SAMMSON: variants seen among roughly 807,000 people sequenced by gnomAD.
SAMMSON encodes long intergenic non-protein coding RNA 1212.
At chr3:70,418,966 TTTCCTTCCTTCCTTC>T (rs1575645478) in intron 2 of SAMMSON, among the ~76,000 whole-genome samples, 83 of 53,038 alleles carry the variant, frequency 1.6e-3, no homozygotes, top group South Asian at 2.4e-3. Context: ...TTTCCTTTCC[TTTCCTTCCTTCCTTC>T]TCTCTCTCTC....
chr3:70,068,846 A>G (rs2067219911), intron 3 of SAMMSON: 1 of 152,106 alleles, frequency 6.6e-6, no homozygotes, highest in Admixed American at 6.6e-5. Context: ...GATTATGGAG[A>G]GGCCCCTTTA....
intron 4 of SAMMSON, among the ~76,000 whole-genome samples, chr3:70,109,163 A>G (rs1450457083): frequency 6.6e-6 from 1 of 152,148 alleles, no homozygotes; most frequent in Non-Finnish European, 1.5e-5. Flanking sequence ...GAGATTTATC[A>G]GAGTCACTTA....
chr3:70,203,258 CATA>C (rs1319286448), intron 4 of SAMMSON, among the ~76,000 whole-genome samples: 5 of 152,064 alleles, frequency 3.3e-5, no homozygotes, highest in Non-Finnish European at 5.9e-5. Flanking sequence ...AATTCAGCAT[CATA>C]ATGAGATTCA....
chr3:70,306,650 T>C (rs1317240911), intron 7 of SAMMSON, among the ~76,000 whole-genome samples: 1 of 152,114 alleles, frequency 6.6e-6, no homozygotes, highest in Admixed American at 6.6e-5. Context: ...TTAACAGTCA[T>C]TGGACAGCAC....
chr3:70,050,132 A>C (rs2067140849), intron 3 of SAMMSON, among the ~76,000 whole-genome samples: 1 of 152,174 alleles, frequency 6.6e-6, no homozygotes. Context: ...GCTAGTGGCC[A>C]GAGAGAAGAA....
At chr3:70,175,782 A>T (rs911239193) in intron 4 of SAMMSON, among the ~76,000 whole-genome samples, 1 of 152,100 alleles carries the variant, frequency 6.6e-6, no homozygotes, top group Non-Finnish European at 1.5e-5. Context: ...CTATTGCATT[A>T]TAACAAGACA....
intron 4 of SAMMSON, among the ~76,000 whole-genome samples, chr3:70,116,086 G>A (rs2106663749): frequency 6.6e-6 from 1 of 152,060 alleles, no homozygotes; most frequent in African/African-American, 2.4e-5. Context: ...CTAATCACTA[G>A]GTTAAATTTC....
At chr3:70,284,190 G>T (rs1487903464) in intron 6 of SAMMSON, among the ~76,000 whole-genome samples, 1 of 152,112 alleles carries the variant, frequency 6.6e-6, no homozygotes, top group Non-Finnish European at 1.5e-5. Context: ...TATCTAATTA[G>T]AGAGACTTAA....
chr3:70,162,032 T>C (rs1000670570), intron 4 of SAMMSON, among the ~76,000 whole-genome samples: 4 of 151,982 alleles, frequency 2.6e-5, no homozygotes, highest in Admixed American at 1.3e-4. Context: ...CCTTCTTTTC[T>C]TCCTGGCTGA....
chr3:70,337,686 A>C (rs909755364), intron 7 of SAMMSON, among the ~76,000 whole-genome samples: 1 of 152,012 alleles, frequency 6.6e-6, no homozygotes, highest in African/African-American at 2.4e-5. Flanking sequence ...GCTAACTTAA[A>C]TAATAATAGA....
At chr3:70,027,914 C>G (rs1208609297) in intron 3 of SAMMSON, among the ~76,000 whole-genome samples, 1 of 152,078 alleles carries the variant, frequency 6.6e-6, no homozygotes, top group East Asian at 1.9e-4. Flanking sequence ...CATCTCAAAG[C>G]CGTTTTCATT....
chr3:70,102,829 G>A (rs1056403636), intron 4 of SAMMSON, among the ~76,000 whole-genome samples: 1 of 152,060 alleles, frequency 6.6e-6, no homozygotes, highest in Non-Finnish European at 1.5e-5. Context: ...TTGTTCCTTC[G>A]GCTTTGATTG....
intron 4 of SAMMSON, among the ~76,000 whole-genome samples, chr3:70,170,840 T>G (rs2106699245): frequency 6.6e-6 from 1 of 151,978 alleles, no homozygotes; most frequent in East Asian, 1.9e-4. Context: ...CTGCAATTTA[T>G]TTTCCACTAA....
intron 3 of SAMMSON, among the ~76,000 whole-genome samples, chr3:70,046,356 C>T (rs1036936220): frequency 6.6e-6 from 1 of 152,126 alleles, no homozygotes; most frequent in African/African-American, 2.4e-5. Flanking sequence ...CTATAAGAAA[C>T]AACCATCTAC....
intron 4 of SAMMSON, among the ~76,000 whole-genome samples, chr3:70,133,472 G>A (rs2067492375): frequency 6.6e-6 from 1 of 152,130 alleles, no homozygotes; most frequent in Admixed American, 6.5e-5. Flanking sequence ...GATCATAAAT[G>A]TAAGTAACAT....
chr3:70,247,545 C>A (rs1237599447), intron 4 of SAMMSON, among the ~76,000 whole-genome samples: 1 of 151,390 alleles, frequency 6.6e-6, no homozygotes, highest in Non-Finnish European at 1.5e-5. Context: ...CTATATTATA[C>A]CAATTTTTTG....
intron 3 of SAMMSON, among the ~76,000 whole-genome samples, chr3:70,058,496 G>T (rs1230780942): frequency 6.6e-6 from 1 of 152,046 alleles, no homozygotes; most frequent in Admixed American, 6.6e-5. Flanking sequence ...ATACTTTGAA[G>T]TATAATGTAT....
intron 3 of SAMMSON, among the ~76,000 whole-genome samples, chr3:70,063,608 C>T (rs2067198757): frequency 6.6e-6 from 1 of 152,104 alleles, no homozygotes; most frequent in Admixed American, 6.6e-5. Context: ...GTCCCTCCTA[C>T]AGAGAAATTC....
chr3:70,269,967 A>G (rs1010113281), intron 6 of SAMMSON, among the ~76,000 whole-genome samples: 3 of 152,208 alleles, frequency 2.0e-5, no homozygotes, highest in African/African-American at 7.2e-5. Context: ...ATGATCCTCA[A>G]ATAAAGAGAA....
Sources: allele counts gnomAD v4.1 joint callset (sites outside exome capture counted in the v4.1 genomes callset), GRCh38; gene constraint gnomAD v4.1.1; transcripts MANE v1.5; gene names NCBI Gene and HGNC (gene_info 2026-07-23, HGNC 2026-07-21).